The following UBR1 variants were observed in gnomAD, a reference collection of about 807,000 sequenced individuals.
The protein encoded by UBR1 is ubiquitin protein ligase E3 component n-recognin 1, also known as E3 ubiquitin-protein ligase UBR1.
In UBR1, 102 loss-of-function variants were observed where a neutral mutation model predicts 242.1. The ratio of observed to expected loss-of-function variants is 0.42; its 90% CI spans 0.36 to 0.50. UBR1 has a LOEUF of 0.50. Ranked by LOEUF, UBR1 falls within the 20% of genes least tolerant of loss-of-function variation. UBR1 has a pLI of 0.01. For synonymous variants in UBR1, 675 were observed against 684.8 expected (o/e 0.99, Z 0.22); for missense variants, 1,772 against 2,101.8 (o/e 0.84, Z 3.07).
At chr15:43,032,726 A>G in intron 19 of UBR1, 95 bp from the exon 20 acceptor site, 1 of 745,564 alleles carries the variant, frequency 1.3e-6, no homozygotes, top group South Asian at 1.6e-5. Flanking sequence ...CATCCAGCCT[A>G]GTATTTTTCA....
intron 39 of UBR1, 104 bp downstream of exon 39, chr15:42,976,613 A>T (rs1307749061): frequency 7.1e-7 from 1 of 1,403,938 alleles, no homozygotes; most frequent in African/African-American, 1.4e-5. Flanking sequence ...AAAAAACATA[A>T]CACAGAACCT....
chr15:43,043,590 A>C (rs1198643124), intron 14 of UBR1, among the ~76,000 whole-genome samples, 195 bp from the exon 15 acceptor site: 1 of 152,120 alleles, frequency 6.6e-6, no homozygotes, highest in African/African-American at 2.4e-5. Context: ...AGCTGGGACT[A>C]CAGGCGCGTG....
intron 10 of UBR1, among the ~76,000 whole-genome samples, chr15:43,057,705 C>G (rs1437819724): frequency 2.0e-5 from 3 of 152,162 alleles, no homozygotes; most frequent in Non-Finnish European, 4.4e-5. Flanking sequence ...TCCTGCTATA[C>G]TTTTCAATTA....
Position 42,945,367 on chromosome 15 carries a change from T to A in UBR1, c.5212A>T (p.Asn1738Tyr). 6.2e-7 allele frequency: 1 copy of A among 1,614,200 alleles called. No individual in the cohort carries two copies. The highest frequency in any genetic ancestry group is 2.2e-5 in the East Asian group (1 of 44,884). Reference protein sequence around the residue: ...IEEIARSQETNQMLFGFNWQL... With the variant: ...IEEIARSQETYQMLFGFNWQL... Reference sequence around the variant, plus strand: ...CAGTTGAATCCAAATAACATCTGATTAGTCTCTTGGCTCCTAGCAATCTCT... The same window carrying A: ...CAGTTGAATCCAAATAACATCTGATAAGTCTCTTGGCTCCTAGCAATCTCT... The change falls in exon 47 of 47, where the codon AAT (asparagine) becomes TAT (tyrosine). Residue 1738 changes from asparagine to tyrosine, a missense_variant. By Grantham distance (143) the Asn-to-Tyr change is moderately radical. Coordinates refer to ENST00000290650, the MANE Select transcript of UBR1 (RefSeq NM_174916.3).
At chr15:43,097,405 C>T (rs2034174352) in intron 1 of UBR1, among the ~76,000 whole-genome samples, 1 of 152,220 alleles carries the variant, frequency 6.6e-6, no homozygotes. Context: ...TTGGCTTCAA[C>T]TTAAAATTAC....
intron 27 of UBR1, 30 bp from the exon 28 acceptor site, chr15:43,017,211 G>A (rs1715277701): frequency 1.3e-6 from 2 of 1,538,614 alleles, no homozygotes; most frequent in Non-Finnish European, 9.0e-7. Context: ...CGTTAAAAGA[G>A]TTAGTTAGAC....
intron 17 of UBR1, among the ~76,000 whole-genome samples, chr15:43,037,088 C>T (rs2033346864): frequency 6.6e-6 from 1 of 151,952 alleles, no homozygotes; most frequent in African/African-American, 2.4e-5. Context: ...TGGCTCATGC[C>T]TGTAATCCCA....
intron 37 of UBR1, among the ~76,000 whole-genome samples, chr15:42,978,694 C>T (rs999581837): frequency 4.0e-5 from 6 of 151,420 alleles, no homozygotes; most frequent in Admixed American, 1.3e-4. Context: ...AGGGAGAAGA[C>T]TCTTTTCAGA....
chr15:43,082,938 G>C lies in UBR1; in HGVS notation c.339-222C>G, dbSNP rs751335115. Among the ~76,000 whole-genome samples, 23 of 152,236 alleles carry C rather than the reference G, an allele frequency of 1.5e-4. 1 individual carries two copies. The highest frequency in any genetic ancestry group is 4.1e-4 in the South Asian group (2 of 4,822). ...TTTAAGTGTGTAGGTCTGGATGTTT[G>C]GTTTTCTTTCTGAAATCATTCTCAT... On this transcript the variant is annotated intron_variant, in intron 2 of 46. Transcript: ENST00000290650.
chr15:42,973,290 A>ACCTGGCTCATTGCC (rs1486263387), intron 39 of UBR1, among the ~76,000 whole-genome samples: 2 of 152,070 alleles, frequency 1.3e-5, no homozygotes, highest in Non-Finnish European at 2.9e-5. Context: ...GAGCTATTGC[A>ACCTGGCTCATTGCC]CCTGGCTCAT....
At position 42,946,979 on chromosome 15, in the gene UBR1, C is replaced by T. The variant is rs148335271; in HGVS notation, c.5109-1509G>A. ...TCTGGCCAACACAGTAAAACCCCGT[C>T]ACTACTAAAAATACAAAAAAAATTA... On this transcript the variant is annotated intron_variant, in intron 46 of 46. Transcript: ENST00000290650. Among the ~76,000 whole-genome samples, 53 of 152,138 alleles carry T rather than the reference C, an allele frequency of 3.5e-4. No homozygotes were observed. In the East Asian group the frequency reaches 9.9e-3, roughly 28 times the overall value.
At chr15:43,069,920 A>G (rs2033803477) in intron 5 of UBR1, among the ~76,000 whole-genome samples, 1 of 152,206 alleles carries the variant, frequency 6.6e-6, no homozygotes, top group African/African-American at 2.4e-5. Context: ...TTGTGGATGC[A>G]GTTTGTCATG....
intron 1 of UBR1, among the ~76,000 whole-genome samples, chr15:43,098,591 T>G (rs1251393602): frequency 6.6e-6 from 1 of 152,294 alleles, no homozygotes; most frequent in South Asian, 2.1e-4. Flanking sequence ...CAAAAACCTT[T>G]TCATTTGCAG....
rs776268861 is a variant in UBR1, at chr15:42,998,224, C to T, written c.3701G>A (p.Arg1234Gln). ...TCTGGCCAGAACAGTCTGTATCCACCGTGCCAGGGTCAAAAGTTGAGCAAG... is the reference window on the plus strand; with the variant it reads ...TCTGGCCAGAACAGTCTGTATCCACTGTGCCAGGGTCAAAAGTTGAGCAAG... ...DALAQLLTLARWIQTVLARIS... is the reference protein window; with the variant it reads ...DALAQLLTLAQWIQTVLARIS... Residue 1234 changes from arginine to glutamine, a missense_variant, in exon 33 of 47, where the codon CGG becomes CAG. Arg to Gln is a conservative substitution (Grantham distance 43). Coordinates refer to ENST00000290650, the MANE Select transcript of UBR1 (RefSeq NM_174916.3). The T allele has an allele frequency of 6.8e-6, 11 of 1,613,884 alleles. No homozygotes were observed. The highest frequency in any genetic ancestry group is 2.2e-5 in the East Asian group (1 of 44,852).
intron 32 of UBR1, 84 bp downstream of exon 32, chr15:43,002,471 T>G: frequency 6.8e-7 from 1 of 1,476,768 alleles, no homozygotes; most frequent in Non-Finnish European, 9.3e-7. Flanking sequence ...TCCGCCCATC[T>G]CAGTCTCCCA....
Position 43,024,936 on chromosome 15 carries a change from C to T in UBR1, c.2632G>A (p.Val878Met). 6.2e-7 allele frequency: 1 copy of T among 1,614,196 alleles called. No individual in the cohort carries two copies. The highest frequency in any genetic ancestry group is 8.5e-7 in the Non-Finnish European group (1 of 1,180,048). Residue 878 changes from valine (V) to methionine (M), a missense_variant, in exon 25 of 47, where the codon GTG becomes ATG. Transcript: ENST00000290650. ...ATATCACAGTTGAGAAGGTTAATCACTTTGCTGAAAGCAGGGCAGAATTCA... is the reference window on the plus strand; with the variant it reads ...ATATCACAGTTGAGAAGGTTAATCATTTTGCTGAAAGCAGGGCAGAATTCA... ...PPEFCPAFSK[V>M]INLLNCDIMM... is the part of the protein sequence containing the mutation.
rs144238285 is a variant in UBR1, at chr15:43,021,189, A to G, written c.2940+86T>C. On this transcript the variant is annotated intron_variant, in intron 27 of 46. Coordinates refer to ENST00000290650, the MANE Select transcript of UBR1 (RefSeq NM_174916.3). ...TGAAAACCAGTAGTAAATGTCTACA[A>G]TGGTACAGTGGTTTAACACTGGAGG... The G allele has an allele frequency of 1.9e-3, 1,996 of 1,038,074 alleles. 46 individuals are homozygous for G. In the East Asian group the frequency reaches 0.034, roughly 17 times the overall value. The allele number at this position is 1,038,074 out of a possible 1,614,324, so 64.3% of individuals were successfully genotyped here.
At chr15:43,034,690 A>ATGGT (rs1211248961) in intron 19 of UBR1, among the ~76,000 whole-genome samples, 1 of 152,058 alleles carries the variant, frequency 6.6e-6, no homozygotes, top group Non-Finnish European at 1.5e-5. Flanking sequence ...GTTCGAGACC[A>ATGGT]GCCTGGCCAA....
At chr15:42,979,946 A>G (rs2032350545) in intron 37 of UBR1, among the ~76,000 whole-genome samples, 1 of 152,196 alleles carries the variant, frequency 6.6e-6, no homozygotes, top group Non-Finnish European at 1.5e-5. Flanking sequence ...AACAAACTAA[A>G]GTGATCATAG....
Sources: allele counts gnomAD v4.1 joint callset (sites outside exome capture counted in the v4.1 genomes callset), GRCh38; gene constraint gnomAD v4.1.1; transcripts MANE v1.5; gene names NCBI Gene and HGNC (gene_info 2026-07-23, HGNC 2026-07-21).